IL18RAP: variants seen among roughly 807,000 people sequenced by gnomAD.
IL18RAP encodes interleukin-18 receptor accessory protein.
In IL18RAP, 37 loss-of-function variants were observed where a neutral mutation model predicts 58.1. The observed-to-expected ratio is 0.64, with a 90% CI of 0.49 to 0.84. The LOEUF (loss-of-function observed/expected upper bound fraction) is 0.84, where lower values mean the gene tolerates loss of function less well. IL18RAP is among the 40% of genes least tolerant of loss of function. IL18RAP has a pLI of 0.00. For missense variants in IL18RAP, 667 were observed against 704.8 expected (o/e 0.95, Z 0.61); for synonymous variants, 268 against 257.5 (o/e 1.04, Z -0.39).
Position 102,437,284 on chromosome 2 carries a change from A to C in IL18RAP, c.652A>C (p.Thr218Pro). The C allele has an allele frequency of 6.2e-7, 1 of 1,613,928 alleles. No homozygotes were observed. Residue 218 changes from threonine to proline, a missense_variant, in exon 4 of 10, where the codon ACA becomes CCA. By Grantham distance (38) the Thr-to-Pro change is conservative. Coordinates refer to ENST00000687160, the MANE Select transcript of IL18RAP (RefSeq NM_001393487.1). Reference protein sequence around the residue: ...VDEVYDYHQGTYVCDYTQSDT... With the variant: ...VDEVYDYHQGPYVCDYTQSDT... The stretch of plus-strand genomic sequence containing the variant: ...TGAAGTTTATGACTATCACCAGGGC[A>C]CATATGTATGTGATTACACTCAGTC...
Position 102,443,271 on chromosome 2 carries a change from T to C in IL18RAP, c.868T>C (p.Tyr290His). 1 of 1,613,830 alleles carries C rather than the reference T, an allele frequency of 6.2e-7. No homozygotes were observed. Among genetic ancestry groups the C allele is most frequent in the Non-Finnish European group, 8.5e-7 (1 of 1,179,908 alleles). ...ERVFNPVIKW[Y>H]IKDSDLEWEV... ...GGTCTTTAACCCTGTCATAAAATGG[T>C]ACATCAAAGATTCTGACCTAGAGTG... Residue 290 changes from tyrosine (Y) to histidine (H), a missense_variant, in exon 6 of 10, where the codon TAC becomes CAC. Tyr to His is a moderately conservative substitution (Grantham distance 83). Transcript: ENST00000687160.
intron 3 of IL18RAP, among the ~76,000 whole-genome samples, chr2:102,428,559 C>T (rs1055806706): frequency 1.3e-5 from 2 of 151,756 alleles, no homozygotes; most frequent in Non-Finnish European, 3.0e-5. Flanking sequence ...GTTGATTTTA[C>T]ATCCTGCAAT....
At chr2:102,446,359 A>G (rs1042087389) in intron 7 of IL18RAP, among the ~76,000 whole-genome samples, 37 of 152,136 alleles carry the variant, frequency 2.4e-4, no homozygotes, top group African/African-American at 7.5e-4. Context: ...AAGTTCTTCA[A>G]TCTGAAAATC....
rs150564503 is a variant in IL18RAP at position 102,424,325 on chromosome 2, G to T, written c.490G>T (p.Asp164Tyr). The change falls in exon 3 of 10, where the codon GAC (aspartate) becomes TAC (tyrosine). Residue 164 changes from aspartate to tyrosine, a missense_variant. By Grantham distance (160) the Asp-to-Tyr change is radical. Transcript: ENST00000687160. ...SCEYSASHKQ[D>Y]LLLGSTGSIS... is the part of the protein sequence containing the mutation. ...TGAGTATTCCGCATCACATAAGCAA[G>T]ACCTACTTCTTGGGAGCACTGGCTC... is the stretch of plus-strand genomic sequence containing the variant. 264 of 1,614,040 alleles carry T rather than the reference G, an allele frequency of 1.6e-4. 1 individual carries two copies. Among genetic ancestry groups the T allele is most frequent in the Middle Eastern group, 3.3e-4 (2 of 6,062 alleles).
intron 3 of IL18RAP, among the ~76,000 whole-genome samples, chr2:102,427,062 G>A (rs903560218): frequency 6.6e-6 from 1 of 151,986 alleles, no homozygotes; most frequent in East Asian, 1.9e-4. Context: ...AAGTTTATTC[G>A]TGTTCTCCCA....
intron 3 of IL18RAP, among the ~76,000 whole-genome samples, chr2:102,436,670 T>C (rs1682760221): frequency 7.0e-6 from 1 of 142,962 alleles, no homozygotes; most frequent in Non-Finnish European, 1.6e-5. Context: ...TTACCAGCTT[T>C]GTCAGAGAGA....
At chr2:102,425,273 A>T (rs1457807559) in intron 3 of IL18RAP, among the ~76,000 whole-genome samples, 5 of 152,230 alleles carry the variant, frequency 3.3e-5, no homozygotes, top group Admixed American at 3.3e-4. Flanking sequence ...ATTGCTACTG[A>T]TTAAAATCAG....
In IL18RAP at chr2:102,450,838, T is replaced by C. The variant is rs1219238620; in HGVS notation, c.1211-10T>C. On this transcript the variant is annotated splice_polypyrimidine_tract_variant and intron_variant, in intron 8 of 9. Coordinates refer to ENST00000687160, the MANE Select transcript of IL18RAP (RefSeq NM_001393487.1). Reference sequence around the variant, plus strand: ...TGACTTATGTTTTTATAAATTTTCCTATTCTTCAGATAAAAAGGATTTTGA... The same window carrying C: ...TGACTTATGTTTTTATAAATTTTCCCATTCTTCAGATAAAAAGGATTTTGA... 2 of 1,561,654 alleles carry C rather than the reference T, an allele frequency of 1.3e-6. No individual in the cohort carries two copies. The highest frequency in any genetic ancestry group is 1.7e-6 in the Non-Finnish European group (2 of 1,154,992).
Position 102,437,474 on chromosome 2 carries a change from T to A in IL18RAP, c.730+112T>A, listed in dbSNP as rs1041265643. 1.3e-5 allele frequency: 13 copies of A among 1,017,078 alleles called. No individual in the cohort carries two copies. The South Asian group carries it at 2.3e-4, about 18-fold the overall frequency. The allele number at this position is 1,017,078 out of a possible 1,614,324, so 63.0% of individuals were successfully genotyped here. On this transcript the variant is annotated intron_variant, in intron 4 of 9. Coordinates refer to ENST00000687160, the MANE Select transcript of IL18RAP (RefSeq NM_001393487.1). ...GGAAAGAAAAGGATAGTCATATACT[T>A]GTAATCATGTAAAACCTTTCATGTG...
chr2:102,447,126 G>A lies in IL18RAP; in HGVS notation c.1129G>A (p.Ala377Thr). ...CGGGACCCTGGTGGCCGTGCTGGCG[G>A]CGAGTGCCCTCCTCTACAGGCACTG... ...TIGTLVAVLA[A>T]SALLYRHWIE... is the part of the protein sequence containing the mutation. The change falls in exon 8 of 10, where the codon GCG becomes ACG. Residue 377 changes from alanine (A) to threonine (T), a missense_variant. Transcript: ENST00000687160. 6.2e-7 allele frequency: 1 copy of A among 1,614,110 alleles called. No homozygotes were observed. The highest frequency in any genetic ancestry group is 8.5e-7 in the Non-Finnish European group (1 of 1,180,012).
At chr2:102,443,804 A>T (rs1222398554) in intron 6 of IL18RAP, among the ~76,000 whole-genome samples, 1 of 152,200 alleles carries the variant, frequency 6.6e-6, no homozygotes, top group East Asian at 1.9e-4. Context: ...ACCCCGAAAA[A>T]GAGGCTCAGA....
chr2:102,448,602 G>A (rs113999202), intron 8 of IL18RAP, among the ~76,000 whole-genome samples: 346 of 152,232 alleles, frequency 2.3e-3, no homozygotes, highest in Admixed American at 6.3e-3. Flanking sequence ...ATTCCAGTGC[G>A]TTCCCAAACT....
intron 3 of IL18RAP, among the ~76,000 whole-genome samples, chr2:102,431,799 T>G (rs2104323797): frequency 6.8e-6 from 1 of 146,162 alleles, no homozygotes; most frequent in Non-Finnish European, 1.5e-5. Flanking sequence ...TCTCTATTAT[T>G]AAACTTTTCA....
rs1229813904 is a variant in IL18RAP at position 102,450,823 on chromosome 2, T to C, written c.1211-25T>C. The C allele has an allele frequency of 2.0e-6, 3 of 1,502,970 alleles. No homozygotes were observed. The African/African-American group carries it at 4.2e-5, about 21-fold the overall frequency. 93.1% of individuals were successfully genotyped at this position (1,502,970 alleles called of 1,614,324 possible). On this transcript the variant is annotated intron_variant, in intron 8 of 9. Transcript: ENST00000687160. ...AAAAAAAAGAGTAAATGACTTATGT[T>C]TTTATAAATTTTCCTATTCTTCAGA... is the stretch of plus-strand genomic sequence containing the variant.
At position 102,451,847 on chromosome 2, in the gene IL18RAP, CCAGT is replaced by C; in HGVS notation, c.1467_1470del (p.Ile491LeufsTer7). 6.2e-7 allele frequency: 1 copy of C among 1,613,668 alleles called. No homozygotes were observed. The highest frequency in any genetic ancestry group is 8.5e-7 in the Non-Finnish European group (1 of 1,179,568). On this transcript the variant is annotated frameshift_variant, in exon 10 of 10. Coordinates refer to ENST00000687160, the MANE Select transcript of IL18RAP (RefSeq NM_001393487.1). LOFTEE classifies it low-confidence loss of function (END_TRUNC). ...TTGAGCCCCAACTATGTCAATGGAC[CCAGT>C]ATCTTTGAACTACAAGCAGCAGTGA...
At chr2:102,422,448 G>C (rs1018599403), upstream of IL18RAP, among the ~76,000 whole-genome samples, 1 of 152,154 alleles carries the variant, frequency 6.6e-6, no homozygotes, top group African/African-American at 2.4e-5. Flanking sequence ...GATGCCCCAG[G>C]CTCCCTCCAG....
chr2:102,437,403 C>A (rs777032630), intron 4 of IL18RAP, 41 bp downstream of exon 4: 1 of 1,582,684 alleles, frequency 6.3e-7, no homozygotes, highest in Admixed American at 1.8e-5. Flanking sequence ...ATCTGAGCAG[C>A]AAATTAAAAT....
At chr2:102,436,817 G>GTA (rs1319404532) in intron 3 of IL18RAP, among the ~76,000 whole-genome samples, 1 of 126,058 alleles carries the variant, frequency 7.9e-6, no homozygotes, top group Non-Finnish European at 1.8e-5. Context: ...GTGTGTGTGT[G>GTA]TGTATATATA....
chr2:102,451,613 G>A (rs943848967), intron 9 of IL18RAP, among the ~76,000 whole-genome samples, 153 bp from the exon 10 acceptor site: 1 of 152,222 alleles, frequency 6.6e-6, no homozygotes, highest in South Asian at 2.1e-4. Flanking sequence ...AGACACTGGA[G>A]CGTATCTCCA....
Sources: allele counts gnomAD v4.1 joint callset (sites outside exome capture counted in the v4.1 genomes callset), GRCh38; gene constraint gnomAD v4.1.1; transcripts MANE v1.5; gene names NCBI Gene and HGNC (gene_info 2026-07-23, HGNC 2026-07-21).